The following HTR1F variants were observed in gnomAD, a reference collection of about 807,000 sequenced individuals.
HTR1F encodes 5-hydroxytryptamine (serotonin) receptor 1F, G protein-coupled.
In HTR1F, 17 loss-of-function variants were observed where a neutral mutation model predicts 24.0. That is an observed-to-expected ratio of 0.71 (90% CI 0.48 to 1.06). The LOEUF is 1.06. Among genes scored for constraint, HTR1F ranks in the 50% least tolerant of loss-of-function variants. The pLI, the probability that HTR1F is intolerant of heterozygous loss-of-function variation, is 0.00. For synonymous variants in HTR1F, 186 were observed against 156.8 expected (o/e 1.19, Z -1.39); for missense variants, 391 against 427.8 (o/e 0.91, Z 0.76).
intron 2 of HTR1F, among the ~76,000 whole-genome samples, chr3:87,848,437 A>G (rs1704998114): frequency 6.6e-6 from 1 of 151,588 alleles, no homozygotes; most frequent in Admixed American, 6.6e-5. Context: ...AGTAATTTGC[A>G]AATTTTTTCC....
chr3:87,978,347 TTG>T (rs1705444493), intron 2 of HTR1F, among the ~76,000 whole-genome samples: 1 of 152,184 alleles, frequency 6.6e-6, no homozygotes, highest in Admixed American at 6.5e-5. Context: ...TCAGTCCTGT[TTG>T]TGTTACAGCT....
intron 2 of HTR1F, among the ~76,000 whole-genome samples, chr3:87,855,358 C>T (rs1035498088): frequency 3.9e-5 from 6 of 152,044 alleles, no homozygotes; most frequent in Non-Finnish European, 8.8e-5. Flanking sequence ...CAGGGATCCT[C>T]ATGGATCAAG....
rs112150147 is a variant in HTR1F, at chr3:87,966,958, A to G, written c.-42-23750A>G. ...TTTATACTCTTAATTAGTTAAGAGT[A>G]TATGAGTTAATGCAAATAAATTAAA... On this transcript the variant is annotated intron_variant, in intron 2 of 2. Transcript: ENST00000319595. 3.4e-3 allele frequency among the ~76,000 whole-genome samples: 517 copies of G among 152,264 alleles called. 3 individuals are homozygous for G. The highest frequency in any genetic ancestry group is 0.01 in the Middle Eastern group (3 of 294).
chr3:87,869,035 G>A (rs1050936024), intron 2 of HTR1F, among the ~76,000 whole-genome samples: 4 of 151,838 alleles, frequency 2.6e-5, no homozygotes, highest in South Asian at 2.1e-4. Context: ...TACATGTGCC[G>A]TTCATATATG....
chr3:87,907,082 T>C (rs1703682865), intron 2 of HTR1F, among the ~76,000 whole-genome samples: 1 of 152,052 alleles, frequency 6.6e-6, no homozygotes, highest in African/African-American at 2.4e-5. Context: ...AAATGGCAGT[T>C]CTACTTTTGG....
intron 2 of HTR1F, among the ~76,000 whole-genome samples, chr3:87,917,249 C>T (rs1240569146): frequency 6.6e-6 from 1 of 151,804 alleles, no homozygotes; most frequent in Non-Finnish European, 1.5e-5. Flanking sequence ...TAAATGCCTA[C>T]ATCAAAAAGT....
At chr3:87,975,696 C>T (rs1559654681) in intron 2 of HTR1F, among the ~76,000 whole-genome samples, 2 of 152,108 alleles carry the variant, frequency 1.3e-5, no homozygotes, top group African/African-American at 4.8e-5. Context: ...GTGTACATTG[C>T]TACTAAACAT....
At position 87,975,252 on chromosome 3, in the gene HTR1F, C is replaced by G. The variant is rs142870794; in HGVS notation, c.-42-15456C>G. On this transcript the variant is annotated intron_variant, in intron 2 of 2. Coordinates refer to ENST00000319595, the MANE Select transcript of HTR1F (RefSeq NM_001322209.2). Reference sequence around the variant, plus strand: ...AAAATCTTGGAGAAAATGAATGCTTCAAAAATCTCCAAAAAGGAGAAAAAA... The same window carrying G: ...AAAATCTTGGAGAAAATGAATGCTTGAAAAATCTCCAAAAAGGAGAAAAAA... Among the ~76,000 whole-genome samples, 599 of 151,476 alleles carry G rather than the reference C, an allele frequency of 4.0e-3. 4 individuals are homozygous for G. Among genetic ancestry groups the G allele is most frequent in the Non-Finnish European group, 6.3e-3 (425 of 67,832 alleles).
At chr3:87,831,320 G>T (rs184967071) in intron 2 of HTR1F, among the ~76,000 whole-genome samples, 4 of 147,476 alleles carry the variant, frequency 2.7e-5, no homozygotes, top group Non-Finnish European at 6.0e-5. Context: ...TACTTTAAAA[G>T]ATATTAAGAA....
At chr3:87,940,075 A>T (rs546655217) in intron 2 of HTR1F, among the ~76,000 whole-genome samples, 1 of 152,230 alleles carries the variant, frequency 6.6e-6, no homozygotes, top group Non-Finnish European at 1.5e-5. Context: ...CTTTGTTCTC[A>T]TTGGTTTCAA....
chr3:87,982,867 C>T (rs535362711), intron 2 of HTR1F, among the ~76,000 whole-genome samples: 1 of 152,242 alleles, frequency 6.6e-6, no homozygotes, highest in East Asian at 1.9e-4. Flanking sequence ...AAATAAATCG[C>T]CTGTTTAGTT....
At chr3:87,801,572 T>G (rs1703990146) in intron 1 of HTR1F, among the ~76,000 whole-genome samples, 1 of 152,152 alleles carries the variant, frequency 6.6e-6, no homozygotes, top group African/African-American at 2.4e-5. Flanking sequence ...TGGGGCATCT[T>G]GAAGCAAGGG....
At chr3:87,831,429 C>T (rs1463662137) in intron 2 of HTR1F, among the ~76,000 whole-genome samples, 1 of 151,250 alleles carries the variant, frequency 6.6e-6, no homozygotes. Flanking sequence ...GTGGCGCCAT[C>T]TCGGCTCACC....
intron 2 of HTR1F, among the ~76,000 whole-genome samples, chr3:87,926,341 G>A (rs182148839): frequency 6.6e-6 from 1 of 152,156 alleles, no homozygotes; most frequent in Admixed American, 6.5e-5. Context: ...AACTCCACTT[G>A]GAACATATCT....
chr3:87,932,262 T>C (rs546307919), intron 2 of HTR1F, among the ~76,000 whole-genome samples: 22 of 152,326 alleles, frequency 1.4e-4, no homozygotes, highest in Admixed American at 1.2e-3. Context: ...CTTCTACATA[T>C]GGCTAGCCAG....
intron 2 of HTR1F, among the ~76,000 whole-genome samples, chr3:87,893,304 C>G (rs1706123751): frequency 6.6e-6 from 1 of 152,140 alleles, no homozygotes; most frequent in Admixed American, 6.5e-5. Flanking sequence ...AGCATTAATT[C>G]TAGTACATGT....
At chr3:87,951,971 A>T (rs1359159397) in intron 2 of HTR1F, among the ~76,000 whole-genome samples, 1 of 151,924 alleles carries the variant, frequency 6.6e-6, no homozygotes, top group Non-Finnish European at 1.5e-5. Context: ...ATGCATGTAC[A>T]TTTCTTCCTT....
In HTR1F at chr3:87,823,516, ATT is replaced by A. The variant is rs199538588; in HGVS notation, c.-43+1407_-43+1408del. Reference sequence around the variant, plus strand: ...CTCAGGTTTTCTCAACTGGTCCCATATTTTTTTTTTTTTTTTGAGACACGGTC... The same window carrying A: ...CTCAGGTTTTCTCAACTGGTCCCATATTTTTTTTTTTTTTGAGACACGGTC... On this transcript the variant is annotated intron_variant, in intron 2 of 2. Coordinates refer to ENST00000319595, the MANE Select transcript of HTR1F (RefSeq NM_001322209.2). Among the ~76,000 whole-genome samples the A allele has an allele frequency of 6.0e-3, 830 of 139,246 alleles. 7 individuals are homozygous for A. Among genetic ancestry groups the A allele is most frequent in the African/African-American group, 0.02 (741 of 37,834 alleles). 91.4% of individuals were successfully genotyped at this position (139,246 alleles called of 152,430 possible).
rs546868793 is a variant in HTR1F at position 87,822,139 on chromosome 3, C to T, written c.-43+15C>T. ...ACCACAGTATGGTAAGCATTCCCAGCTTTAAACCATGAAGAAAAATAAATT... is the reference window on the plus strand; with the variant it reads ...ACCACAGTATGGTAAGCATTCCCAGTTTTAAACCATGAAGAAAAATAAATT... On this transcript the variant is annotated intron_variant, in intron 2 of 2. Coordinates refer to ENST00000319595, the MANE Select transcript of HTR1F (RefSeq NM_001322209.2). 1.3e-5 allele frequency among the ~76,000 whole-genome samples: 2 copies of T among 151,746 alleles called. No individual in the cohort carries two copies. Among genetic ancestry groups the T allele is most frequent in the African/African-American group, 4.8e-5 (2 of 41,296 alleles).
Sources: allele counts gnomAD v4.1 joint callset (sites outside exome capture counted in the v4.1 genomes callset), GRCh38; gene constraint gnomAD v4.1.1; transcripts MANE v1.5; gene names NCBI Gene and HGNC (gene_info 2026-07-23, HGNC 2026-07-21).